The following UNC80 variants were observed in gnomAD, a reference collection of about 807,000 sequenced individuals.
UNC80 encodes protein unc-80 homolog.
Under a neutral mutation model 384.6 loss-of-function variants are expected in UNC80, and 164 were observed. That is an observed-to-expected ratio of 0.43 (90% confidence interval 0.38 to 0.49). UNC80 has a LOEUF of 0.49. Ranked by LOEUF, UNC80 falls within the 20% of genes least tolerant of loss-of-function variation. The probability of loss-of-function intolerance (pLI) is 0.00; values close to 1 mark genes in which losing one functional copy is unlikely to be tolerated. For missense variants in UNC80, 3,330 were observed against 4,143.0 expected (o/e 0.80, Z 5.39); for synonymous variants, 1,486 against 1,527.8 (o/e 0.97, Z 0.64).
chr2:209,829,069 G>A (rs2080762062), intron 14 of UNC80, among the ~76,000 whole-genome samples, 163 bp from the exon 15 acceptor site: 1 of 152,126 alleles, frequency 6.6e-6, no homozygotes, highest in Non-Finnish European at 1.5e-5. Flanking sequence ...GTCTGTCTGT[G>A]CTCACATCTT....
chr2:209,801,541 CCTGA>C (rs1372568723), intron 7 of UNC80, among the ~76,000 whole-genome samples: 4 of 151,702 alleles, frequency 2.6e-5, no homozygotes, highest in Non-Finnish European at 5.9e-5. Context: ...TGCTACCACG[CCTGA>C]CTAATTTTTG....
chr2:209,774,626 C>A (rs560383742), intron 2 of UNC80, among the ~76,000 whole-genome samples: 2 of 152,262 alleles, frequency 1.3e-5, no homozygotes, highest in East Asian at 3.9e-4. Context: ...ACAATATATT[C>A]ATTAGAGTGT....
intron 7 of UNC80, chr2:209,809,721 T>A (rs2079194509): frequency 2.1e-6 from 1 of 478,558 alleles, no homozygotes; most frequent in African/African-American, 2.0e-5. Context: ...TCTGGATGCA[T>A]CAGCCGCACG....
At chr2:209,980,473 A>G (rs1020177880) in intron 59 of UNC80, among the ~76,000 whole-genome samples, 3 of 152,200 alleles carry the variant, frequency 2.0e-5, no homozygotes, top group Non-Finnish European at 4.4e-5. Flanking sequence ...TTTTTTGCTT[A>G]TATCTCTGAT....
chr2:209,827,124 C>G (rs544456651), intron 14 of UNC80, among the ~76,000 whole-genome samples: 12 of 151,698 alleles, frequency 7.9e-5, no homozygotes, highest in Non-Finnish European at 1.8e-4. Flanking sequence ...AACTTTTGAC[C>G]AAGATCTAGA....
intron 21 of UNC80, among the ~76,000 whole-genome samples, chr2:209,844,814 G>T (rs890880089): frequency 6.6e-6 from 1 of 151,544 alleles, no homozygotes; most frequent in Admixed American, 6.6e-5. Flanking sequence ...TGTTGCCCAG[G>T]CTGGTCTTGA....
chr2:209,983,135 T>C (rs985352504), intron 60 of UNC80, among the ~76,000 whole-genome samples: 5 of 152,174 alleles, frequency 3.3e-5, no homozygotes, highest in Non-Finnish European at 7.4e-5. Context: ...TATAGATTCA[T>C]TGTAGTACAA....
intron 60 of UNC80, chr2:209,982,568 G>T (rs1270685313): frequency 2.9e-6 from 1 of 341,870 alleles, no homozygotes; most frequent in South Asian, 7.3e-5. Flanking sequence ...ATAGACACAT[G>T]GTCTTCTTTC....
intron 22 of UNC80, among the ~76,000 whole-genome samples, chr2:209,871,179 G>T (rs553957017): frequency 6.6e-6 from 1 of 152,274 alleles, no homozygotes; most frequent in South Asian, 2.1e-4. Context: ...CCCACTTTAA[G>T]TATTAATAGT....
chr2:209,844,850 A>C (rs1018467588), intron 21 of UNC80, among the ~76,000 whole-genome samples: 1 of 151,550 alleles, frequency 6.6e-6, no homozygotes, highest in Admixed American at 6.6e-5. Flanking sequence ...TGATCCTCCT[A>C]CCTCAGTGTC....
chr2:209,779,445 C>T (rs889520092), intron 4 of UNC80, among the ~76,000 whole-genome samples: 2 of 152,142 alleles, frequency 1.3e-5, no homozygotes, highest in Non-Finnish European at 2.9e-5. Context: ...AAGTACTTCC[C>T]TGGCTACTCT....
chr2:209,863,670 G>A (rs2083499495), intron 22 of UNC80, among the ~76,000 whole-genome samples: 1 of 151,792 alleles, frequency 6.6e-6, no homozygotes, highest in South Asian at 2.1e-4. Flanking sequence ...CTCATACTGT[G>A]TTTTTCAGCT....
rs546674640 is a variant in UNC80 at position 209,813,947 on chromosome 2, G to C, written c.1200+106G>C. The stretch of plus-strand genomic sequence containing the variant: ...TTAGGTACTCTAGTGCTGACTTTTT[G>C]GTTGGTGGGTTACACTGTTTCTATT... On this transcript the variant is annotated intron_variant, in intron 8 of 64. Transcript: ENST00000673920. The C allele has an allele frequency of 1.7e-5, 23 of 1,378,542 alleles. No individual in the cohort carries two copies. The East Asian group carries it at 5.5e-4, about 33-fold the overall frequency. 85.4% of individuals were successfully genotyped at this position (1,378,542 alleles called of 1,614,324 possible).
chr2:209,820,454 G>C lies in UNC80; in HGVS notation c.2106G>C (p.Lys702Asn). The C allele has an allele frequency of 6.4e-7, 1 of 1,551,696 alleles. No individual in the cohort carries two copies. The highest frequency in any genetic ancestry group is 1.2e-5 in the South Asian group (1 of 84,054). The change falls in exon 13 of 65, where the codon AAG becomes AAC. Residue 702 changes from lysine to asparagine, a missense_variant. By Grantham distance (94) the Lys-to-Asn change is moderately conservative (BLOSUM62 0). Transcript: ENST00000673920. ...AGAATAGAAAGAAGAGTGAAAACAA[G>C]GAAAATGAGACCTTGGAAAAGAGGC... ...VEKNRKKSEN[K>N]ENETLEKRPS... is the part of the protein sequence containing the mutation.
At chr2:209,990,059 T>G (rs1282883977) in intron 61 of UNC80, among the ~76,000 whole-genome samples, 1 of 152,168 alleles carries the variant, frequency 6.6e-6, no homozygotes, top group African/African-American at 2.4e-5. Context: ...ACTAAAGCTA[T>G]AAACTTGATA....
chr2:209,816,858 T>A, intron 9 of UNC80, 51 bp from the exon 10 acceptor site: 6 of 1,524,336 alleles, frequency 3.9e-6, no homozygotes, highest in Non-Finnish European at 5.3e-6. Context: ...GGAAGCAGAT[T>A]GTAACCTTTT....
intron 7 of UNC80, among the ~76,000 whole-genome samples, chr2:209,799,801 G>A (rs2153826200): frequency 6.6e-6 from 1 of 152,226 alleles, no homozygotes; most frequent in Non-Finnish European, 1.5e-5. Flanking sequence ...TTTTATCAAA[G>A]GTCTTTTCTG....
intron 46 of UNC80, among the ~76,000 whole-genome samples, 184 bp downstream of exon 46, chr2:209,945,373 T>C (rs540946971): frequency 1.2e-4 from 18 of 152,356 alleles, no homozygotes; most frequent in African/African-American, 3.6e-4. Flanking sequence ...AAATTTCTTA[T>C]GAATCCTAAA....
At position 209,805,965 on chromosome 2, in the gene UNC80, T is replaced by G. The variant is rs560899562; in HGVS notation, c.939-7615T>G. On this transcript the variant is annotated intron_variant, in intron 7 of 64. Transcript: ENST00000673920. ...ACCATCATTTAATATATTAAAATTT[T>G]TGTGGCTATTTCTGTACATATTTTT... 1.8e-4 allele frequency among the ~76,000 whole-genome samples: 28 copies of G among 152,326 alleles called. No homozygotes were observed. The South Asian group carries it at 5.2e-3, about 28-fold the overall frequency.
Sources: allele counts gnomAD v4.1 joint callset (sites outside exome capture counted in the v4.1 genomes callset), GRCh38; gene constraint gnomAD v4.1.1; transcripts MANE v1.5; gene names NCBI Gene and HGNC (gene_info 2026-07-23, HGNC 2026-07-21).